The following PCNX2 variants were observed in gnomAD, a reference collection of about 807,000 sequenced individuals.
PCNX2 encodes the protein pecanex 2, also known as pecanex-like protein 2.
A neutral mutation model predicts 223.8 loss-of-function variants in PCNX2; 168 were observed. The observed-to-expected ratio is 0.75, with a 90% confidence interval of 0.66 to 0.85. The LOEUF is 0.85. Ranked by LOEUF, PCNX2 falls within the 40% of genes least tolerant of loss-of-function variation. The pLI, the probability that PCNX2 is intolerant of heterozygous loss-of-function variation, is 0.00. For missense variants in PCNX2, 2,507 were observed against 2,675.5 expected, an observed-to-expected ratio of 0.94 and a Z score of 1.39; for synonymous variants, 1,006 against 1,052.6, an observed-to-expected ratio of 0.96 and a Z score of 0.86.
chr1:233,252,187 C>T (rs1011355037), intron 7 of PCNX2, among the ~76,000 whole-genome samples, 167 bp downstream of exon 7: 2 of 152,178 alleles, frequency 1.3e-5, no homozygotes, highest in African/African-American at 4.8e-5. Context: ...GTAAAGGCCC[C>T]GAGATGGGAG....
intron 21 of PCNX2, among the ~76,000 whole-genome samples, chr1:233,122,123 G>GAGAGAGAC (rs2102738037): frequency 6.6e-6 from 1 of 152,008 alleles, no homozygotes; most frequent in Admixed American, 6.6e-5. Flanking sequence ...GAGAGAGAGA[G>GAGAGAGAC]AGAGAGACAG....
intron 17 of PCNX2, chr1:233,172,615 G>A (rs972196362): frequency 2.2e-6 from 2 of 903,712 alleles, no homozygotes; most frequent in African/African-American, 3.6e-5. Flanking sequence ...TTCAATTCCT[G>A]TTCTCCATAG....
At chr1:233,190,743 C>T (rs545626987) in intron 15 of PCNX2, among the ~76,000 whole-genome samples, 28 of 152,260 alleles carry the variant, frequency 1.8e-4, no homozygotes, top group Non-Finnish European at 1.2e-4. Flanking sequence ...ACAGAGTTAA[C>T]GGCGTGCTTT....
intron 20 of PCNX2, among the ~76,000 whole-genome samples, chr1:233,136,553 T>C (rs1428473035): frequency 2.0e-5 from 3 of 152,188 alleles, no homozygotes; most frequent in Non-Finnish European, 2.9e-5. Context: ...GATTTGCTTC[T>C]GAGAAAAACT....
chr1:233,158,730 C>A (rs1678280042), intron 19 of PCNX2, among the ~76,000 whole-genome samples: 1 of 152,174 alleles, frequency 6.6e-6, no homozygotes, highest in African/African-American at 2.4e-5. Flanking sequence ...TACTTCAAAT[C>A]TTCATCAACT....
intron 8 of PCNX2, among the ~76,000 whole-genome samples, chr1:233,248,704 T>C (rs76918969): frequency 0.016 from 2,498 of 152,160 alleles, 78 homozygotes; most frequent in African/African-American, 0.057. Flanking sequence ...TCCTCTGTAA[T>C]AGAAAGGGGT....
intron 12 of PCNX2, chr1:233,211,907 C>T (rs568752761): frequency 2.7e-6 from 2 of 736,070 alleles, no homozygotes; most frequent in Non-Finnish European, 3.3e-6. Context: ...AAAAGGGCTC[C>T]TAACTTGCGG....
chr1:233,255,815 A>T (rs701172), intron 5 of PCNX2, among the ~76,000 whole-genome samples: 150,216 of 152,320 alleles, frequency 0.99, 74,083 homozygotes, highest in East Asian at 1. Flanking sequence ...TAAACACCCA[A>T]CATGTTGTTT....
chr1:233,278,452 A>C (rs932429310), intron 1 of PCNX2, among the ~76,000 whole-genome samples: 1 of 152,172 alleles, frequency 6.6e-6, no homozygotes, highest in Non-Finnish European at 1.5e-5. Context: ...ACATCATGTC[A>C]ATGGGACAAG....
At chr1:233,261,421 G>T in intron 3 of PCNX2, 100 bp from the exon 4 acceptor site, 1 of 1,054,438 alleles carries the variant, frequency 9.5e-7, no homozygotes, top group South Asian at 1.3e-5. Flanking sequence ...TTTTCTAAAT[G>T]GCATGTAGGG....
chr1:233,238,432 T>C (rs564472249), intron 8 of PCNX2, among the ~76,000 whole-genome samples: 1 of 152,306 alleles, frequency 6.6e-6, no homozygotes, highest in Admixed American at 6.5e-5. Flanking sequence ...AGCTGATGCC[T>C]GTAATCCCAA....
intron 25 of PCNX2, 115 bp downstream of exon 25, chr1:233,054,153 C>T: frequency 1.1e-6 from 1 of 873,218 alleles, no homozygotes; most frequent in Non-Finnish European, 1.8e-6. Context: ...AGCTCACTTT[C>T]AGTAGGAAGA....
chr1:232,986,007 G>GGAAC, intron 33 of PCNX2, 85 bp downstream of exon 33: 1 of 1,418,628 alleles, frequency 7.0e-7, no homozygotes, highest in South Asian at 1.2e-5. Context: ...CAGAAGGGTG[G>GGAAC]GAACGCAAGG....
chr1:232,985,805 G>A (rs1669453058), intron 33 of PCNX2: 1 of 598,772 alleles, frequency 1.7e-6, no homozygotes, highest in Non-Finnish European at 3.0e-6. Flanking sequence ...CCCCGGTGTA[G>A]GGCAGATGGC....
intron 23 of PCNX2, among the ~76,000 whole-genome samples, chr1:233,086,044 T>A (rs1324262731): frequency 6.6e-6 from 1 of 152,168 alleles, no homozygotes; most frequent in Admixed American, 6.5e-5. Context: ...GTTAGAGGAA[T>A]TTAGGAAAGG....
intron 1 of PCNX2, among the ~76,000 whole-genome samples, chr1:233,265,465 G>A (rs1347123354): frequency 6.6e-6 from 1 of 152,160 alleles, no homozygotes; most frequent in Admixed American, 6.5e-5. Context: ...ACAATTATGA[G>A]CTAGGTGCCT....
At chr1:233,179,307 G>T in intron 15 of PCNX2, 132 bp from the exon 16 acceptor site, 1 of 910,278 alleles carries the variant, frequency 1.1e-6, no homozygotes, top group Non-Finnish European at 1.7e-6. Context: ...TCCTGCCCAC[G>T]GACATATAAG....
At chr1:233,167,062 T>C (rs1310993488) in intron 17 of PCNX2, among the ~76,000 whole-genome samples, 2 of 152,066 alleles carry the variant, frequency 1.3e-5, no homozygotes, top group East Asian at 3.9e-4. Flanking sequence ...GGAAATGAAA[T>C]CACCATGCCA....
chr1:233,169,501 C>A (rs540872197), intron 17 of PCNX2, among the ~76,000 whole-genome samples: 1 of 151,208 alleles, frequency 6.6e-6, no homozygotes, highest in Non-Finnish European at 1.5e-5. Context: ...AAAAATTAGC[C>A]GGGCATGGTG....
Sources: allele counts gnomAD v4.1 joint callset (sites outside exome capture counted in the v4.1 genomes callset), GRCh38; gene constraint gnomAD v4.1.1; transcripts MANE v1.5; gene names NCBI Gene and HGNC (gene_info 2026-07-23, HGNC 2026-07-21).